SPATA2: variants seen among roughly 807,000 people sequenced by gnomAD.
SPATA2 encodes spermatogenesis-associated protein 2.
A neutral mutation model predicts 35.4 loss-of-function variants in SPATA2; 8 were observed. That is an observed-to-expected ratio of 0.23 (90% CI 0.13 to 0.41). The LOEUF (loss-of-function observed/expected upper bound fraction) is 0.41, where lower values mean the gene tolerates loss of function less well. Ranked by LOEUF, SPATA2 falls within the 10% of genes least tolerant of loss-of-function variation. The pLI is 1.00. For synonymous variants in SPATA2, 293 were observed against 300.9 expected (o/e 0.97, Z 0.27); for missense variants, 650 against 698.7 (o/e 0.93, Z 0.79).
rs1214302264 is a variant in SPATA2 at position 49,903,952 on chromosome 20, TTA to T, written c.*1665_*1666del. ...ATATATATATATATATATATATATA[TTA>T]AAAAGAGAGCCATAGAAGATTTGGA... On this transcript the variant is annotated 3_prime_UTR_variant, in exon 3 of 3. Transcript: ENST00000289431. 3 of 107,520 alleles carry T rather than the reference TTA, an allele frequency of 2.8e-5. No individual in the cohort carries two copies. The highest frequency in any genetic ancestry group is 9.4e-5 in the Admixed American group (1 of 10,666). 6.7% of individuals were successfully genotyped at this position (107,520 alleles called of 1,614,324 possible). A position where few individuals can be genotyped will look rare whatever the true frequency, so the allele number is the denominator to read the frequency against.
In SPATA2 at chr20:49,906,050, A is replaced by T. The variant is rs139143357; in HGVS notation, c.1132T>A (p.Ser378Thr). 19 of 1,605,552 alleles carry T rather than the reference A, an allele frequency of 1.2e-5. No homozygotes were observed. Among genetic ancestry groups the T allele is most frequent in the Non-Finnish European group, 1.6e-5 (19 of 1,179,216 alleles). ...CAGCTTTGGCACTTGGAGAGGGCGG[A>T]CTCTTTGGCAGGGGGCGAGCGCTTG... ...YHKRSPPAKE[S>T]ALSKCQSCGL... Residue 378 changes from serine to threonine, a missense_variant, in exon 3 of 3, where the codon TCC becomes ACC. Transcript: ENST00000289431. The surrounding 1 kb of genome is among the most constrained non-coding windows in gnomAD (Gnocchi z 8.2).
In SPATA2 at chr20:49,908,291, T is replaced by C; in HGVS notation, c.200A>G (p.Tyr67Cys). Residue 67 changes from tyrosine to cysteine, a missense_variant, in exon 2 of 3, where the codon TAT (tyrosine) becomes TGT (cysteine). Transcript: ENST00000289431. The stretch of plus-strand genomic sequence containing the variant: ...GCGCAAGGAGCTCTCCACCACCTCA[T>C]AGAACTGGATCAGCCGGAATCGATA... ...PFYRFRLIQF[Y>C]EVVESSLRSL... The C allele has an allele frequency of 6.2e-7, 1 of 1,614,188 alleles. No individual in the cohort carries two copies. Among genetic ancestry groups the C allele is most frequent in the Non-Finnish European group, 8.5e-7 (1 of 1,180,004 alleles).
intron 1 of SPATA2, among the ~76,000 whole-genome samples, chr20:49,908,941 G>A (rs1307933208): frequency 1.3e-5 from 2 of 152,194 alleles, no homozygotes; most frequent in Non-Finnish European, 2.9e-5. Context: ...CCAAGAGGCC[G>A]GGGAAGGAGT....
chr20:49,911,990 G>C (rs2090184553), intron 1 of SPATA2, among the ~76,000 whole-genome samples: 1 of 152,132 alleles, frequency 6.6e-6, no homozygotes. Flanking sequence ...ACCCAGTCGG[G>C]GAATGGGGAT....
Position 49,910,207 on chromosome 20 carries a change from G to C in SPATA2, c.-102-1615C>G, listed in dbSNP as rs115529842. 6.9e-3 allele frequency among the ~76,000 whole-genome samples: 1,055 copies of C among 152,324 alleles called. 8 individuals are homozygous for C. The highest frequency in any genetic ancestry group is 0.021 in the African/African-American group (859 of 41,566). On this transcript the variant is annotated intron_variant, in intron 1 of 2. Coordinates refer to ENST00000289431, the MANE Select transcript of SPATA2 (RefSeq NM_006038.4). The stretch of plus-strand genomic sequence containing the variant: ...ACGGGGTCCAAGGCCAGGCACCTGC[G>C]AGTGAGGCCAGGGCTGCTTCTCCAG...
At position 49,903,898 on chromosome 20, in the gene SPATA2, GATAGATATATATATATATAT is replaced by G. The variant is rs1176910769; in HGVS notation, c.*1701_*1720del. Reference sequence around the variant, plus strand: ...CTGTACATCTACATGTGATCTACCAGATAGATATATATATATATATATATATATATATATATATATATATA... The same window carrying G: ...CTGTACATCTACATGTGATCTACCAGATATATATATATATATATATATATA... On this transcript the variant is annotated 3_prime_UTR_variant, in exon 3 of 3. Coordinates refer to ENST00000289431, the MANE Select transcript of SPATA2 (RefSeq NM_006038.4). 618 of 86,118 alleles carry G rather than the reference GATAGATATATATATATATAT, an allele frequency of 7.2e-3. 11 individuals are homozygous for G. Among genetic ancestry groups the G allele is most frequent in the African/African-American group, 0.021 (462 of 21,490 alleles). 5.3% of individuals were successfully genotyped at this position (86,118 alleles called of 1,614,324 possible). A position where few individuals can be genotyped will look rare whatever the true frequency, so the allele number is the denominator to read the frequency against.
Position 49,906,084 on chromosome 20 carries a change from G to A in SPATA2, c.1098C>T (p.Ser366=). ...CAGGGGGCGAGCGCTTGTGGTAGAG[G>A]GAGTGGGCATCGTTTCTGAGCAGCC... The part of the protein sequence containing the change: ...DVWLLRNDAH[S]LYHKRSPPAK... Residue 366 remains serine (S), a synonymous_variant, in exon 3 of 3, where the codon TCC becomes TCT. Transcript: ENST00000289431. The surrounding 1 kb of genome is among the most constrained non-coding windows in gnomAD (Gnocchi z 8.2). The A allele has an allele frequency of 1.9e-6, 3 of 1,610,154 alleles. No homozygotes were observed. Among genetic ancestry groups the A allele is most frequent in the Non-Finnish European group, 1.7e-6 (2 of 1,179,756 alleles).
At position 49,905,563 on chromosome 20, in the gene SPATA2, T is replaced by C. The variant is rs991343808; in HGVS notation, c.*56A>G. On this transcript the variant is annotated 3_prime_UTR_variant, in exon 3 of 3. Coordinates refer to ENST00000289431, the MANE Select transcript of SPATA2 (RefSeq NM_006038.4). ...TCAATGCGTTAGTACTTCTTCACCG[T>C]GAAACCCGAAAGGTCGGTTGATGTA... The C allele has an allele frequency of 7.6e-6, 12 of 1,585,020 alleles. No homozygotes were observed. Among genetic ancestry groups the C allele is most frequent in the East Asian group, 2.2e-5 (1 of 44,540 alleles).
chr20:49,907,575 T>C (rs565298113), intron 2 of SPATA2, among the ~76,000 whole-genome samples: 102 of 148,464 alleles, frequency 6.9e-4, no homozygotes, highest in African/African-American at 2.3e-3. Flanking sequence ...GTGACAGCTC[T>C]CCTGTGCCAT....
At chr20:49,910,371 G>C (rs1489174501) in intron 1 of SPATA2, among the ~76,000 whole-genome samples, 1 of 152,226 alleles carries the variant, frequency 6.6e-6, no homozygotes, top group Non-Finnish European at 1.5e-5. Context: ...GCCGGCTCCG[G>C]GAAGTCCTTG....
At chr20:49,914,715 G>T (rs1411612727) in intron 1 of SPATA2, among the ~76,000 whole-genome samples, 1 of 152,214 alleles carries the variant, frequency 6.6e-6, no homozygotes, top group African/African-American at 2.4e-5. Flanking sequence ...AGCTCTGAAG[G>T]AAGCTGTTTC....
In SPATA2 at chr20:49,905,706, G is replaced by A. The variant is rs774507312; in HGVS notation, c.1476C>T (p.Cys492=). Residue 492 remains cysteine, a synonymous_variant, in exon 3 of 3, where the codon TGC becomes TGT. Transcript: ENST00000289431. ...ACTTGTGCAGCTCACTCTTTTTGTA[G>A]CAGGGGTCATAATGGTAAGCGCTGA... ...ACLSAYHYDP[C]YKKSELHKFM... 43 of 1,614,126 alleles carry A rather than the reference G, an allele frequency of 2.7e-5. No individual in the cohort carries two copies. The South Asian group carries it at 4.7e-4, about 18-fold the overall frequency.
chr20:49,906,469 G>T lies in SPATA2; in HGVS notation c.713C>A (p.Ala238Glu). The T allele has an allele frequency of 1.2e-6, 2 of 1,611,108 alleles. No individual in the cohort carries two copies. The highest frequency in any genetic ancestry group is 1.7e-6 in the Non-Finnish European group (2 of 1,179,932). ...GCGGGGCTTGTAGTAGTCCTTGGCC[G>T]CCCGCTCGCTGGCCGACTTCTGGAG... ...VALQKSASERAAKDYYKPRVT... is the reference protein window; with the variant it reads ...VALQKSASEREAKDYYKPRVT... Residue 238 changes from alanine to glutamate, a missense_variant, in exon 3 of 3, where the codon GCG (alanine) becomes GAG (glutamate). Ala to Glu is a moderately radical substitution (Grantham distance 107). Coordinates refer to ENST00000289431, the MANE Select transcript of SPATA2 (RefSeq NM_006038.4). The surrounding 1 kb of genome is among the most constrained non-coding windows in gnomAD (Gnocchi z 8.2).
At chr20:49,910,331 T>C (rs1420641636) in intron 1 of SPATA2, among the ~76,000 whole-genome samples, 2 of 152,200 alleles carry the variant, frequency 1.3e-5, no homozygotes, top group African/African-American at 2.4e-5. Flanking sequence ...GAGAGGATTA[T>C]GCATGATGGA....
rs933041849 is a variant in SPATA2 at position 49,905,951 on chromosome 20, T to C, written c.1231A>G (p.Ser411Gly). Reference sequence around the variant, plus strand: ...GTCGAGGCCTTGCTGGGGAAGGCGCTGGGCTTGGAAGCTGGAGGACAGGTG... The same window carrying C: ...GTCGAGGCCTTGCTGGGGAAGGCGCCGGGCTTGGAAGCTGGAGGACAGGTG... Reference protein sequence around the residue: ...LLTCPPASKPSAFPSKASTHD... With the variant: ...LLTCPPASKPGAFPSKASTHD... The change falls in exon 3 of 3, where the codon AGC becomes GGC. Residue 411 changes from serine to glycine, a missense_variant. Physicochemically the swap from Ser to Gly is moderately conservative, Grantham distance 56. Coordinates refer to ENST00000289431, the MANE Select transcript of SPATA2 (RefSeq NM_006038.4). 6.2e-7 allele frequency: 1 copy of C among 1,609,952 alleles called. No individual in the cohort carries two copies. Among genetic ancestry groups the C allele is most frequent in the Non-Finnish European group, 8.5e-7 (1 of 1,179,882 alleles).
At chr20:49,915,062 C>T (rs2146839229) in intron 1 of SPATA2, among the ~76,000 whole-genome samples, 1 of 152,316 alleles carries the variant, frequency 6.6e-6, no homozygotes, top group South Asian at 2.1e-4. Context: ...AACTGGGAAC[C>T]CCTGCGCGGT....
At chr20:49,907,587 C>T (rs1357356407) in intron 2 of SPATA2, among the ~76,000 whole-genome samples, 1 of 148,348 alleles carries the variant, frequency 6.7e-6, no homozygotes, top group Non-Finnish European at 1.5e-5. Flanking sequence ...CTGTGCCATC[C>T]CCTCTCTTGA....
intron 1 of SPATA2, among the ~76,000 whole-genome samples, chr20:49,909,793 C>T (rs1183084815): frequency 6.6e-6 from 1 of 152,136 alleles, no homozygotes; most frequent in South Asian, 2.1e-4. Context: ...GCCCCAAGGC[C>T]GCAAGAGCAC....
Position 49,903,902 on chromosome 20 carries a change from G to GATAGATATAT in SPATA2, c.*1716_*1717insATATATCTAT, listed in dbSNP as rs1431587837. 1.1e-4 allele frequency: 11 copies of GATAGATATAT among 96,926 alleles called. No homozygotes were observed. Among genetic ancestry groups the GATAGATATAT allele is most frequent in the Non-Finnish European group, 1.4e-4 (7 of 49,708 alleles). The allele number at this position is 96,926 out of a possible 1,614,324, so 6.0% of individuals were successfully genotyped here. A position where few individuals can be genotyped will look rare whatever the true frequency, so the allele number is the denominator to read the frequency against. On this transcript the variant is annotated 3_prime_UTR_variant, in exon 3 of 3. Coordinates refer to ENST00000289431, the MANE Select transcript of SPATA2 (RefSeq NM_006038.4). ...ACATCTACATGTGATCTACCAGATAGATATATATATATATATATATATATA... is the reference window on the plus strand; with the variant it reads ...ACATCTACATGTGATCTACCAGATAGATAGATATATATATATATATATATATATATATATA...
Sources: allele counts gnomAD v4.1 joint callset (sites outside exome capture counted in the v4.1 genomes callset), GRCh38; gene constraint gnomAD v4.1.1; non-coding constraint Gnocchi (gnomAD v3.1); transcripts MANE v1.5; gene names NCBI Gene and HGNC (gene_info 2026-07-23, HGNC 2026-07-21).